Variants in ARHGEF10L observed in about 807,000 individuals in gnomAD.
The protein encoded by ARHGEF10L is rho guanine nucleotide exchange factor 10-like protein.
A neutral mutation model predicts 141.2 loss-of-function variants in ARHGEF10L; 69 were observed. That is an observed-to-expected ratio of 0.49 (90% CI 0.40 to 0.60). The LOEUF (loss-of-function observed/expected upper bound fraction) is 0.60. ARHGEF10L is among the 20% of genes least tolerant of loss of function. The pLI is 0.00. For synonymous variants in ARHGEF10L, 711 were observed against 718.5 expected, an observed-to-expected ratio of 0.99 and a Z score of 0.17; for missense variants, 1,482 against 1,734.3, an observed-to-expected ratio of 0.85 and a Z score of 2.58.
At position 17,588,235 on chromosome 1, in the gene ARHGEF10L, G is replaced by A. The variant is rs998839839; in HGVS notation, c.224-211G>A. 2.3e-5 allele frequency among the ~76,000 whole-genome samples: 3 copies of A among 129,004 alleles called. No individual in the cohort carries two copies. The Admixed American group carries it at 2.6e-4, about 11-fold the overall frequency. 84.6% of individuals were successfully genotyped at this position (129,004 alleles called of 152,430 possible). On this transcript the variant is annotated intron_variant, in intron 3 of 28. Coordinates refer to ENST00000361221, the MANE Select transcript of ARHGEF10L (RefSeq NM_018125.4). ...GGTTCTGGCTGGAGTTGGGAAGTGG[G>A]CCACGGGGTGGGTGGGGGTGGTGCA...
In ARHGEF10L at chr1:17,539,945, GC is replaced by G. The variant is rs2076653563; in HGVS notation, c.-47del. The G allele has an allele frequency of 6.6e-6, 1 of 151,650 alleles. No individual in the cohort carries two copies. Among genetic ancestry groups the G allele is most frequent in the African/African-American group, 2.4e-5 (1 of 41,384 alleles). 9.4% of individuals were successfully genotyped at this position (151,650 alleles called of 1,614,324 possible). On this transcript the variant is annotated 5_prime_UTR_variant, in exon 1 of 29. Coordinates refer to ENST00000361221, the MANE Select transcript of ARHGEF10L (RefSeq NM_018125.4). The surrounding 1 kb of genome is among the most constrained non-coding windows in gnomAD (Gnocchi z 6.0). ...GACGACAAAGGCGCGGGCCCGGGCA[GC>G]CGAGGTGGGTGAGTGAGCGCGGGGG...
At chr1:17,648,704 C>T in intron 22 of ARHGEF10L, 29 bp downstream of exon 22, 1 of 1,602,110 alleles carries the variant, frequency 6.2e-7, no homozygotes, top group Non-Finnish European at 8.5e-7. Context: ...GCTGAGCCGA[C>T]CTCGAAGGTG....
intron 21 of ARHGEF10L, 78 bp downstream of exon 21, chr1:17,640,380 G>C: frequency 7.6e-7 from 1 of 1,318,396 alleles, no homozygotes. Flanking sequence ...GAGGGTACAG[G>C]ATGGGTGTTC....
intron 1 of ARHGEF10L, among the ~76,000 whole-genome samples, chr1:17,555,167 C>T (rs2077260212): frequency 6.6e-6 from 1 of 152,206 alleles, no homozygotes; most frequent in African/African-American, 2.4e-5. Context: ...TGCAGCACTT[C>T]TCAGTGCCTT....
chr1:17,685,658 G>T (rs1194082717), intron 26 of ARHGEF10L, among the ~76,000 whole-genome samples: 1 of 152,184 alleles, frequency 6.6e-6, no homozygotes, highest in Non-Finnish European at 1.5e-5. Context: ...CAGTCATCAC[G>T]ACATTTCCAG....
chr1:17,602,230 C>A lies in ARHGEF10L; in HGVS notation c.349+12C>A. The A allele has an allele frequency of 2.6e-6, 4 of 1,557,550 alleles. No homozygotes were observed. Among genetic ancestry groups the A allele is most frequent in the Non-Finnish European group, 3.5e-6 (4 of 1,150,568 alleles). On this transcript the variant is annotated intron_variant, in intron 5 of 28. Transcript: ENST00000361221. The stretch of plus-strand genomic sequence containing the variant: ...GAGTTCCCGTCGCAGTAAGTCTCCC[C>A]TCCGGCCCACCGCCCACCCCAGGTA...
At chr1:17,585,154 T>G (rs1570631931) in intron 2 of ARHGEF10L, among the ~76,000 whole-genome samples, 1 of 152,126 alleles carries the variant, frequency 6.6e-6, no homozygotes, top group East Asian at 1.9e-4. Context: ...CTAATTAAAC[T>G]TATGAGCTAC....
chr1:17,690,464 G>A (rs967310624), intron 27 of ARHGEF10L, among the ~76,000 whole-genome samples: 1 of 152,218 alleles, frequency 6.6e-6, no homozygotes, highest in African/African-American at 2.4e-5. Flanking sequence ...TCGTCTTTAC[G>A]GCATACCCGC....
intron 21 of ARHGEF10L, among the ~76,000 whole-genome samples, chr1:17,643,262 C>T (rs182575212): frequency 1.2e-4 from 18 of 152,272 alleles, no homozygotes; most frequent in African/African-American, 4.1e-4. Flanking sequence ...ATCTTCCTCC[C>T]TCCCTGACTA....
intron 1 of ARHGEF10L, among the ~76,000 whole-genome samples, chr1:17,568,810 T>C (rs2077871667): frequency 6.6e-6 from 1 of 152,192 alleles, no homozygotes; most frequent in Admixed American, 6.5e-5. Flanking sequence ...TGGGGGATCC[T>C]GGTCCCGGAT....
chr1:17,518,967 C>T, the ARHGEF10L span, among the ~76,000 whole-genome samples: 1 of 150,954 alleles, frequency 6.6e-6, no homozygotes, highest in African/African-American at 2.4e-5. Flanking sequence ...GCTGGGAGTT[C>T]GAGACCAGCC....
chr1:17,612,999 TC>T, intron 7 of ARHGEF10L, 58 bp from the exon 8 acceptor site: 2 of 1,196,094 alleles, frequency 1.7e-6, no homozygotes, highest in South Asian at 2.5e-5. Context: ...TTTGTCTCCT[TC>T]CTGTCCCGCC....
chr1:17,665,755 T>A (rs2062938521), intron 26 of ARHGEF10L, among the ~76,000 whole-genome samples: 1 of 152,198 alleles, frequency 6.6e-6, no homozygotes, highest in South Asian at 2.1e-4. Flanking sequence ...AGTGTGTGTT[T>A]GCGCAAGTAT....
intron 1 of ARHGEF10L, among the ~76,000 whole-genome samples, chr1:17,552,124 T>C (rs1408953): frequency 0.39 from 59,647 of 151,900 alleles, 13,691 homozygotes; most frequent in African/African-American, 0.63. Flanking sequence ...GTGCAGGATT[T>C]GATTAACAGG....
intron 4 of ARHGEF10L, among the ~76,000 whole-genome samples, chr1:17,592,589 C>T (rs1417151866): frequency 6.6e-6 from 1 of 152,124 alleles, no homozygotes; most frequent in Non-Finnish European, 1.5e-5. Flanking sequence ...AGGATGGAAA[C>T]AGGGCGCTGG....
intron 28 of ARHGEF10L, among the ~76,000 whole-genome samples, chr1:17,696,298 G>A (rs947241805): frequency 1.3e-5 from 2 of 152,124 alleles, no homozygotes; most frequent in Non-Finnish European, 2.9e-5. Flanking sequence ...CCATCCAGGG[G>A]GCATTTGTGG....
At chr1:17,570,147 G>A (rs920124012) in intron 1 of ARHGEF10L, among the ~76,000 whole-genome samples, 12 of 152,246 alleles carry the variant, frequency 7.9e-5, no homozygotes, top group African/African-American at 1.4e-4. Flanking sequence ...GCCTTGGGTC[G>A]CCTGTGTGTC....
chr1:17,550,045 G>A (rs1381034686), intron 1 of ARHGEF10L, among the ~76,000 whole-genome samples: 1 of 152,216 alleles, frequency 6.6e-6, no homozygotes, highest in Non-Finnish European at 1.5e-5. Flanking sequence ...GAGAGCCAGG[G>A]TGGAGGGGTG....
At chr1:17,660,667 G>T (rs1460543610) in intron 25 of ARHGEF10L, among the ~76,000 whole-genome samples, 1 of 152,238 alleles carries the variant, frequency 6.6e-6, no homozygotes, top group African/African-American at 2.4e-5. Flanking sequence ...CTGCTGGCTG[G>T]GGGAGGAGGG....
Sources: allele counts gnomAD v4.1 joint callset (sites outside exome capture counted in the v4.1 genomes callset), GRCh38; gene constraint gnomAD v4.1.1; non-coding constraint Gnocchi (gnomAD v3.1); transcripts MANE v1.5; gene names NCBI Gene and HGNC (gene_info 2026-07-23, HGNC 2026-07-21).